The following ZBTB10 variants were observed in gnomAD, a reference collection of about 807,000 sequenced individuals.
ZBTB10 encodes the protein zinc finger and BTB domain containing 10, also known as zinc finger and BTB domain-containing protein 10.
In ZBTB10, 32 loss-of-function variants were observed where a neutral mutation model predicts 76.4. The observed-to-expected ratio is 0.42, with a 90% CI of 0.32 to 0.56. The LOEUF (loss-of-function observed/expected upper bound fraction) is 0.56. Among genes scored for constraint, ZBTB10 ranks in the 20% least tolerant of loss-of-function variants. The pLI is 0.14. For synonymous variants in ZBTB10, 523 were observed against 432.9 expected, an observed-to-expected ratio of 1.21 and a Z score of -2.58; for missense variants, 1,057 against 1,098.5, an observed-to-expected ratio of 0.96 and a Z score of 0.53.
chr8:80,491,761 CA>C (rs935358765), intron 1 of ZBTB10, among the ~76,000 whole-genome samples: 2 of 152,216 alleles, frequency 1.3e-5, no homozygotes, highest in Non-Finnish European at 2.9e-5. Context: ...TCCTTAATAA[CA>C]GTGATTACCA....
rs779018875 is a variant in ZBTB10, at chr8:80,487,320, G to A, written c.510G>A (p.Gly170=). 79 of 1,542,092 alleles carry A rather than the reference G, an allele frequency of 5.1e-5. 1 individual carries two copies. In the South Asian group the frequency reaches 8.6e-4, roughly 17 times the overall value. The change falls in exon 1 of 6, where the codon GGG becomes GGA. Residue 170 remains glycine, a synonymous_variant. Coordinates refer to ENST00000455036, the MANE Select transcript of ZBTB10 (RefSeq NM_001105539.3). ...ATCTGGAGCTGGACGCGCTGGAGGG[G>A]AAGGAGTTGATGCAGGACGGCGCGT... ...TVDLELDALE[G]KELMQDGASL...
rs989178381 is a variant in ZBTB10, at chr8:80,520,877, TCAG to T, written c.*1355_*1357del. The T allele has an allele frequency of 2.0e-5, 3 of 151,986 alleles. No homozygotes were observed. Among genetic ancestry groups the T allele is most frequent in the Admixed American group, 2.0e-4 (3 of 15,246 alleles). The allele number at this position is 151,986 out of a possible 1,614,324, so 9.4% of individuals were successfully genotyped here. A position where few individuals can be genotyped will look rare whatever the true frequency, so the allele number is the denominator to read the frequency against. ...CATGAATTAGCTGATTGTGGAACTC[TCAG>T]CAGCATTTCACGTATTGTTAACATG... On this transcript the variant is annotated 3_prime_UTR_variant, in exon 6 of 6. Transcript: ENST00000455036.
chr8:80,494,305 A>G (rs757717250), intron 1 of ZBTB10, among the ~76,000 whole-genome samples: 2 of 152,188 alleles, frequency 1.3e-5, no homozygotes, highest in South Asian at 2.1e-4. Context: ...ACATTTTCCT[A>G]TTGTTAACGG....
intron 1 of ZBTB10, among the ~76,000 whole-genome samples, chr8:80,496,057 T>G (rs1815774644): frequency 6.6e-6 from 1 of 152,170 alleles, no homozygotes; most frequent in Non-Finnish European, 1.5e-5. Context: ...GTTGTGGAAA[T>G]AGTAATTTTT....
chr8:80,499,456 A>G (rs149102917), intron 1 of ZBTB10, 38 bp from the exon 2 acceptor site: 3 of 1,506,570 alleles, frequency 2.0e-6, no homozygotes, highest in African/African-American at 2.8e-5. Flanking sequence ...TAAAAAAGTC[A>G]ATAAAGTTTA....
At chr8:80,513,593 A>G (rs906207470) in intron 2 of ZBTB10, among the ~76,000 whole-genome samples, 4 of 152,214 alleles carry the variant, frequency 2.6e-5, no homozygotes, top group African/African-American at 7.2e-5. Flanking sequence ...ATATTATCCA[A>G]TTAGATTCCT....
At chr8:80,502,623 C>T (rs1381259666) in intron 2 of ZBTB10, among the ~76,000 whole-genome samples, 2 of 151,922 alleles carry the variant, frequency 1.3e-5, no homozygotes, top group Non-Finnish European at 2.9e-5. Context: ...ATCCATGCCA[C>T]CAGTGTTATT....
At chr8:80,497,504 T>C (rs1311293811) in intron 1 of ZBTB10, among the ~76,000 whole-genome samples, 1 of 151,630 alleles carries the variant, frequency 6.6e-6, no homozygotes, top group Non-Finnish European at 1.5e-5. Context: ...TTTTTTGGTA[T>C]AAGGGCTTTA....
intron 1 of ZBTB10, among the ~76,000 whole-genome samples, chr8:80,494,006 T>G (rs1008489979): frequency 6.6e-6 from 1 of 152,226 alleles, no homozygotes. Flanking sequence ...CCAACTGTTA[T>G]GATTTGTCAT....
Position 80,499,708 on chromosome 8 carries a change from C to G in ZBTB10, c.1187C>G (p.Ser396Ter), listed in dbSNP as rs1432538603. ...TTCTTTAAGACTTTATATTGCTTTT[C>G]AAACAAAGAAAGCCCTAACCAAAAC... ...SRFFKTLYCF[S>*]NKESPNQNNT... is the part of the protein sequence containing the mutation. The change falls in exon 2 of 6, where the codon TCA (serine) becomes TGA (stop). Residue 396 changes from serine (S) to a stop codon, truncating the protein, a stop_gained. Coordinates refer to ENST00000455036, the MANE Select transcript of ZBTB10 (RefSeq NM_001105539.3). LOFTEE classifies it high-confidence loss of function. 6.2e-7 allele frequency: 1 copy of G among 1,613,904 alleles called. No individual in the cohort carries two copies. Among genetic ancestry groups the G allele is most frequent in the South Asian group, 1.1e-5 (1 of 91,070 alleles).
chr8:80,516,390 C>CA (rs1816326736), intron 3 of ZBTB10, among the ~76,000 whole-genome samples: 1 of 152,152 alleles, frequency 6.6e-6, no homozygotes, highest in Non-Finnish European at 1.5e-5. Flanking sequence ...GTGTCTTAAA[C>CA]AATAGAAAAA....
At chr8:80,504,619 C>T (rs1460148100) in intron 2 of ZBTB10, among the ~76,000 whole-genome samples, 1 of 152,088 alleles carries the variant, frequency 6.6e-6, no homozygotes, top group Non-Finnish European at 1.5e-5. Flanking sequence ...AGGTAGAACT[C>T]AGAAAAGTTA....
upstream of ZBTB10, chr8:80,485,857 G>A (rs1193888983): frequency 1.3e-6 from 2 of 1,535,856 alleles, no homozygotes; most frequent in Non-Finnish European, 1.7e-6. Context: ...GCGAGAGAAG[G>A]AAAATGCGCG....
intron 3 of ZBTB10, among the ~76,000 whole-genome samples, chr8:80,514,478 A>AT (rs1816279078): frequency 6.6e-6 from 1 of 152,330 alleles, no homozygotes; most frequent in Admixed American, 6.5e-5. Flanking sequence ...AATAGAGTAA[A>AT]AGAAAGTCAT....
At chr8:80,511,342 T>C (rs1816189611) in intron 2 of ZBTB10, among the ~76,000 whole-genome samples, 3 of 152,218 alleles carry the variant, frequency 2.0e-5, no homozygotes, top group Admixed American at 2.0e-4. Context: ...CAATTCACTG[T>C]AGAATTTTGC....
At chr8:80,485,981 C>A, upstream of ZBTB10, 2 of 1,253,088 alleles carry the variant, frequency 1.6e-6, no homozygotes, top group Non-Finnish European at 2.2e-6. Flanking sequence ...CGCCCCCTCC[C>A]TGAGACCCCC....
In ZBTB10 at chr8:80,487,318, G is replaced by T; in HGVS notation, c.508G>T (p.Gly170Trp). The T allele has an allele frequency of 6.5e-7, 1 of 1,542,772 alleles. No homozygotes were observed. The highest frequency in any genetic ancestry group is 1.7e-4 in the Middle Eastern group (1 of 5,962). The change falls in exon 1 of 6, where the codon GGG becomes TGG. Residue 170 changes from glycine (G) to tryptophan (W), a missense_variant. Gly to Trp is a radical substitution (Grantham distance 184). This residue lies in a region of ZBTB10 where 556 missense variants were observed against 451.7 expected (regional missense o/e 1.23). Coordinates refer to ENST00000455036, the MANE Select transcript of ZBTB10 (RefSeq NM_001105539.3). ...GGATCTGGAGCTGGACGCGCTGGAG[G>T]GGAAGGAGTTGATGCAGGACGGCGC... is the stretch of plus-strand genomic sequence containing the variant. Reference protein sequence around the residue: ...TVDLELDALEGKELMQDGASL... With the variant: ...TVDLELDALEWKELMQDGASL...
intron 1 of ZBTB10, among the ~76,000 whole-genome samples, chr8:80,496,039 A>G (rs1815774042): frequency 6.6e-6 from 1 of 152,212 alleles, no homozygotes; most frequent in African/African-American, 2.4e-5. Flanking sequence ...CTACATTTGA[A>G]AAGACCAGTT....
At position 80,499,752 on chromosome 8, in the gene ZBTB10, AT is replaced by A; in HGVS notation, c.1233del (p.Ile411MetfsTer30). ...CCAAAACAATACTACCCACTTAGAT[AT>A]TGCTGCAGTTCAAGGTTTTTCAGTC... The part of the protein sequence containing the change: ...PNQNNTTHLD[I>X]AAVQGFSVIL... On this transcript the variant is annotated frameshift_variant, in exon 2 of 6. Transcript: ENST00000455036. LOFTEE classifies it high-confidence loss of function. 6.2e-7 allele frequency: 1 copy of A among 1,613,968 alleles called. No individual in the cohort carries two copies. Among genetic ancestry groups the A allele is most frequent in the Non-Finnish European group, 8.5e-7 (1 of 1,179,882 alleles).
Sources: allele counts gnomAD v4.1 joint callset (sites outside exome capture counted in the v4.1 genomes callset), GRCh38; gene constraint gnomAD v4.1.1; regional missense constraint gnomAD v4.1.1; transcripts MANE v1.5; gene names NCBI Gene and HGNC (gene_info 2026-07-23, HGNC 2026-07-21).